DLGAP2: variants seen among roughly 807,000 people sequenced by gnomAD.
DLGAP2 encodes the protein DLG associated protein 2, also known as disks large-associated protein 2.
DLGAP2 carries 26 observed loss-of-function variants against 100.3 expected under a neutral mutation model. The ratio of observed to expected loss-of-function variants is 0.26; its 90% CI spans 0.19 to 0.36. The LOEUF (loss-of-function observed/expected upper bound fraction) is 0.36. Among genes scored for constraint, DLGAP2 ranks in the 10% least tolerant of loss-of-function variants. The pLI is 1.00. For synonymous variants in DLGAP2, 886 were observed against 630.1 expected, an observed-to-expected ratio of 1.41 and a Z score of -6.08; for missense variants, 1,858 against 1,453.2, an observed-to-expected ratio of 1.28 and a Z score of -4.53.
intron 1 of DLGAP2, among the ~76,000 whole-genome samples, chr8:802,702 A>G (rs1486201678): frequency 6.6e-6 from 1 of 151,990 alleles, no homozygotes; most frequent in Non-Finnish European, 1.5e-5. Context: ...GAATTTTACT[A>G]GCAGAGACAG....
intron 3 of DLGAP2, among the ~76,000 whole-genome samples, chr8:1,491,386 T>TC (rs1347299914): frequency 6.6e-6 from 1 of 151,050 alleles, no homozygotes; most frequent in Non-Finnish European, 1.5e-5. Flanking sequence ...TTCGGGCTGC[T>TC]CCCCCTGACC....
At chr8:1,530,027 G>A (rs955779692) in intron 4 of DLGAP2, among the ~76,000 whole-genome samples, 56 of 152,324 alleles carry the variant, frequency 3.7e-4, no homozygotes, top group African/African-American at 1.3e-3. Flanking sequence ...CACAGGACGG[G>A]AGCGAAATTA....
chr8:1,698,396 T>C, intron 14 of DLGAP2, among the ~76,000 whole-genome samples: 1 of 148,148 alleles, frequency 6.8e-6, no homozygotes, highest in Non-Finnish European at 1.5e-5. Flanking sequence ...AAGCCATGCG[T>C]GGGACTAGGC....
chr8:1,465,454 A>G (rs1164242975), intron 3 of DLGAP2, among the ~76,000 whole-genome samples: 2 of 151,628 alleles, frequency 1.3e-5, no homozygotes, highest in Non-Finnish European at 2.9e-5. Context: ...GTGGGGTTCC[A>G]TTAATTTGCT....
At chr8:848,802 T>TGTAGGAACGTGCCAGG (rs1797118792) in intron 1 of DLGAP2, among the ~76,000 whole-genome samples, 2 of 146,610 alleles carry the variant, frequency 1.4e-5, no homozygotes, top group Non-Finnish European at 3.0e-5. Context: ...CGTGTTCCAG[T>TGTAGGAACGTGCCAGG]GTAGGAACGT....
At chr8:1,075,440 C>T (rs910264731) in intron 2 of DLGAP2, among the ~76,000 whole-genome samples, 13 of 152,126 alleles carry the variant, frequency 8.5e-5, no homozygotes, top group African/African-American at 3.1e-4. Context: ...GGGCTTGTTT[C>T]TGTGGGTCTC....
At chr8:1,533,823 G>A (rs181568958) in intron 4 of DLGAP2, among the ~76,000 whole-genome samples, 21 of 152,218 alleles carry the variant, frequency 1.4e-4, no homozygotes, top group East Asian at 1.9e-4. Context: ...CTGGCACAGC[G>A]GCCTGAGCCT....
intron 2 of DLGAP2, among the ~76,000 whole-genome samples, chr8:1,155,323 G>C (rs1306009112): frequency 1.3e-5 from 2 of 152,114 alleles, no homozygotes; most frequent in African/African-American, 2.4e-5. Flanking sequence ...GGCCTCTCTG[G>C]AAAGTCCCAC....
intron 3 of DLGAP2, among the ~76,000 whole-genome samples, chr8:1,280,363 A>T (rs978616570): frequency 6.6e-6 from 1 of 152,046 alleles, no homozygotes; most frequent in African/African-American, 2.4e-5. Flanking sequence ...ACTGAGGAAA[A>T]TTTTCTGAAA....
At chr8:1,482,793 A>G (rs1202170260) in intron 3 of DLGAP2, among the ~76,000 whole-genome samples, 3 of 152,190 alleles carry the variant, frequency 2.0e-5, no homozygotes, top group Non-Finnish European at 4.4e-5. Context: ...CCGTGCGTGG[A>G]TGTGGGGATG....
chr8:1,573,578 A>T (rs1053438587), intron 6 of DLGAP2, among the ~76,000 whole-genome samples: 1 of 151,866 alleles, frequency 6.6e-6, no homozygotes, highest in Non-Finnish European at 1.5e-5. Flanking sequence ...ATATTTAGTC[A>T]TCAATAATAA....
chr8:738,367 C>T (rs951396098), intron 1 of DLGAP2, among the ~76,000 whole-genome samples: 33 of 151,632 alleles, frequency 2.2e-4, no homozygotes, highest in Non-Finnish European at 3.7e-4. Context: ...CAGGATGGGG[C>T]CCTTGTGCCG....
intron 3 of DLGAP2, among the ~76,000 whole-genome samples, chr8:1,285,174 T>C (rs1240288806): frequency 2.0e-5 from 3 of 152,184 alleles, no homozygotes; most frequent in African/African-American, 4.8e-5. Flanking sequence ...TTCTGAGTGT[T>C]CTGTTGTGTT....
In DLGAP2 at chr8:1,430,011, T is replaced by TATATATATATATATATATATATATATAC. The variant is rs1348288489; in HGVS notation, c.107-71338_107-71337insTATATATATACATATATATATATATATA. ...GGGGAGAGATGCATATATATACATA[T>TATATATATATATATATATATATATATAC]ATATATATATATATATACACACACA... On this transcript the variant is annotated intron_variant, in intron 3 of 14. Coordinates refer to ENST00000637795, the MANE Select transcript of DLGAP2 (RefSeq NM_001346810.2). 3.6e-3 allele frequency among the ~76,000 whole-genome samples: 231 copies of TATATATATATATATATATATATATATAC among 63,752 alleles called. 8 individuals carry two copies. Among genetic ancestry groups the TATATATATATATATATATATATATATAC allele is most frequent in the Non-Finnish European group, 5.4e-3 (162 of 29,866 alleles). 41.8% of individuals were successfully genotyped at this position (63,752 alleles called of 152,430 possible).
At chr8:1,097,766 T>C (rs371358782) in intron 2 of DLGAP2, among the ~76,000 whole-genome samples, 1,440 of 38,576 alleles carry the variant, frequency 0.037, no homozygotes, top group Middle Eastern at 0.096. Flanking sequence ...CCTTCACCCT[T>C]TGTGGCATGG....
intron 1 of DLGAP2, among the ~76,000 whole-genome samples, chr8:818,852 A>G (rs887982994): frequency 1.3e-5 from 2 of 152,228 alleles, no homozygotes; most frequent in Admixed American, 6.5e-5. Flanking sequence ...ATCAAGATAA[A>G]TGATTTGTTT....
chr8:818,844 C>G (rs980617863), intron 1 of DLGAP2, among the ~76,000 whole-genome samples: 5 of 151,834 alleles, frequency 3.3e-5, no homozygotes, highest in Non-Finnish European at 5.9e-5. Flanking sequence ...ATTTGAAAAT[C>G]AAGATAAATG....
rs1337680140 is a variant in DLGAP2 at position 738,911 on chromosome 8, G to A, written c.18+1086G>A. ...GACGCGGGGGCGAGGGTGCGCGGCG[G>A]GTCTGCGATGCGCGTCGGAAACTCG... On this transcript the variant is annotated intron_variant, in intron 1 of 14. Coordinates refer to ENST00000637795, the MANE Select transcript of DLGAP2 (RefSeq NM_001346810.2). 6 of 153,138 alleles carry A rather than the reference G, an allele frequency of 3.9e-5. No individual in the cohort carries two copies. The South Asian group carries it at 1.1e-3, about 28-fold the overall frequency. 9.5% of individuals were successfully genotyped at this position (153,138 alleles called of 1,614,324 possible).
chr8:1,522,245 A>G (rs905858496), intron 4 of DLGAP2, among the ~76,000 whole-genome samples: 1 of 152,226 alleles, frequency 6.6e-6, no homozygotes, highest in Non-Finnish European at 1.5e-5. Flanking sequence ...ATGCACCAGC[A>G]TCCTGCCGTA....
Sources: allele counts gnomAD v4.1 joint callset (sites outside exome capture counted in the v4.1 genomes callset), GRCh38; gene constraint gnomAD v4.1.1; transcripts MANE v1.5; gene names NCBI Gene and HGNC (gene_info 2026-07-23, HGNC 2026-07-21).